The following SYK variants were observed in gnomAD, a reference collection of about 807,000 sequenced individuals.
The protein encoded by SYK is spleen associated tyrosine kinase, also known as tyrosine-protein kinase SYK.
SYK carries 16 observed loss-of-function variants against 77.8 expected under a neutral mutation model. That is an observed-to-expected ratio of 0.21 (90% CI 0.14 to 0.31). The LOEUF (loss-of-function observed/expected upper bound fraction) is 0.31, where lower values mean the gene tolerates loss of function less well. Among genes scored for constraint, SYK ranks in the 10% least tolerant of loss-of-function variants. The pLI, the probability that SYK is intolerant of heterozygous loss-of-function variation, is 1.00. For synonymous variants in SYK, 312 were observed against 308.7 expected (o/e 1.01, Z -0.11); for missense variants, 529 against 814.4 (o/e 0.65, Z 4.26).
rs1826830440 is a variant in SYK at position 90,851,697 on chromosome 9, G to A, written c.578+6103G>A. Among the ~76,000 whole-genome samples the A allele has an allele frequency of 1.3e-5, 2 of 152,132 alleles. 1 individual carries two copies. The highest frequency in any genetic ancestry group is 4.8e-5 in the African/African-American group (2 of 41,422). On this transcript the variant is annotated intron_variant, in intron 3 of 13. Transcript: ENST00000375754. The stretch of plus-strand genomic sequence containing the variant: ...CTGCCCCCAGAGGCCTTGTATAGCA[G>A]CACAGTTTGCTATTTTGAGAAGCTA...
rs991763186 is a variant in SYK, at chr9:90,884,367, A to G, written c.1582-3382A>G. Among the ~76,000 whole-genome samples the G allele has an allele frequency of 1.3e-5, 2 of 149,422 alleles. 1 individual carries two copies. The highest frequency in any genetic ancestry group is 3.0e-5 in the Non-Finnish European group (2 of 66,872). On this transcript the variant is annotated intron_variant, in intron 11 of 13. Coordinates refer to ENST00000375754, the MANE Select transcript of SYK (RefSeq NM_003177.7). ...CACATACACATACGTGTATACATAC[A>G]TACACACATACGTGTATATATGCAT...
At chr9:90,877,213 G>A (rs571614289) in intron 9 of SYK, among the ~76,000 whole-genome samples, 6 of 152,130 alleles carry the variant, frequency 3.9e-5, no homozygotes, top group African/African-American at 1.4e-4. Context: ...TCACACCTGG[G>A]TGATTTTTTT....
intron 1 of SYK, among the ~76,000 whole-genome samples, chr9:90,835,577 G>C (rs1362584834): frequency 6.6e-6 from 1 of 152,342 alleles, no homozygotes; most frequent in Non-Finnish European, 1.5e-5. Flanking sequence ...TGCACAGTTG[G>C]AAGACGGGAA....
At chr9:90,843,015 T>C (rs1002071146) in intron 1 of SYK, among the ~76,000 whole-genome samples, 2 of 152,146 alleles carry the variant, frequency 1.3e-5, no homozygotes, top group African/African-American at 4.8e-5. Context: ...TGAAATGTAT[T>C]TATTTACTGC....
rs201237846 is a variant in SYK at position 90,845,622 on chromosome 9, C to T, written c.578+28C>T. The T allele has an allele frequency of 1.6e-4, 253 of 1,609,290 alleles. 2 individuals carry two copies. In the South Asian group the frequency reaches 2.5e-3, roughly 16 times the overall value. ...GAGTATCGTGCCTTCCCCCTCACCT[C>T]CTGCCACCAGGCCTGTGTGGACAAT... is the stretch of plus-strand genomic sequence containing the variant. On this transcript the variant is annotated intron_variant, in intron 3 of 13. Transcript: ENST00000375754.
At chr9:90,851,384 T>A (rs954751062) in intron 3 of SYK, among the ~76,000 whole-genome samples, 1 of 152,226 alleles carries the variant, frequency 6.6e-6, no homozygotes, top group African/African-American at 2.4e-5. Flanking sequence ...CCTTTGCACA[T>A]GTGCTTGAAG....
At chr9:90,880,062 G>A (rs1345853428) in intron 11 of SYK, among the ~76,000 whole-genome samples, 2 of 152,230 alleles carry the variant, frequency 1.3e-5, no homozygotes, top group African/African-American at 2.4e-5. Flanking sequence ...CTAGTCTCTG[G>A]TGAAGTCCAC....
chr9:90,827,226 A>G (rs537801557), intron 1 of SYK, among the ~76,000 whole-genome samples: 1 of 152,272 alleles, frequency 6.6e-6, no homozygotes, highest in East Asian at 1.9e-4. Context: ...AGCCCTGTCC[A>G]CTGACTCCCT....
intron 3 of SYK, among the ~76,000 whole-genome samples, chr9:90,850,734 G>C (rs565002575): frequency 1.3e-5 from 2 of 149,948 alleles, no homozygotes; most frequent in Non-Finnish European, 2.9e-5. Flanking sequence ...ATCGCTTTAC[G>C]TGGAAAGTGG....
rs1405522740 is a variant in SYK at position 90,896,626 on chromosome 9, C to A, written c.*1026C>A. The A allele has an allele frequency of 8.6e-6, 2 of 232,634 alleles. No individual in the cohort carries two copies. Among genetic ancestry groups the A allele is most frequent in the Non-Finnish European group, 1.7e-5 (2 of 117,778 alleles). 14.4% of individuals were successfully genotyped at this position (232,634 alleles called of 1,614,324 possible). On this transcript the variant is annotated 3_prime_UTR_variant, in exon 14 of 14. Coordinates refer to ENST00000375754, the MANE Select transcript of SYK (RefSeq NM_003177.7). ...GACCCTGAGCCTCACCACAAACAGGCCTTTTGGAGTGTGAATTTGAGTTGA... is the reference window on the plus strand; with the variant it reads ...GACCCTGAGCCTCACCACAAACAGGACTTTTGGAGTGTGAATTTGAGTTGA...
In SYK at chr9:90,896,966, G is replaced by A. The variant is rs158685; in HGVS notation, c.*1366G>A. 0.29 allele frequency: 57,798 copies of A among 199,676 alleles called. 8,743 individuals are homozygous for A. Among genetic ancestry groups the A allele is most frequent in the Admixed American group, 0.37 (6,096 of 16,528 alleles). The allele number at this position is 199,676 out of a possible 1,614,324, so 12.4% of individuals were successfully genotyped here. A position where few individuals can be genotyped will look rare whatever the true frequency, so the allele number is the denominator to read the frequency against. ...CGCTTGAACCCAGGAAACGGAGGTCGCAGTGAGCCAAGATCATGCCACTGC... is the reference window on the plus strand; with the variant it reads ...CGCTTGAACCCAGGAAACGGAGGTCACAGTGAGCCAAGATCATGCCACTGC... On this transcript the variant is annotated 3_prime_UTR_variant, in exon 14 of 14. Transcript: ENST00000375754.
chr9:90,889,438 G>A (rs556433343), intron 13 of SYK, among the ~76,000 whole-genome samples: 90 of 152,310 alleles, frequency 5.9e-4, no homozygotes, highest in South Asian at 1.0e-3. Context: ...GATGCTTTGC[G>A]GAATCAGGTT....
chr9:90,815,813 G>C (rs1825270509), intron 1 of SYK, among the ~76,000 whole-genome samples: 1 of 152,210 alleles, frequency 6.6e-6, no homozygotes, highest in African/African-American at 2.4e-5. Context: ...AGCCTGCGCT[G>C]CTGCTCACTT....
intron 3 of SYK, among the ~76,000 whole-genome samples, chr9:90,858,443 T>C (rs993895444): frequency 6.6e-6 from 1 of 152,202 alleles, no homozygotes; most frequent in Non-Finnish European, 1.5e-5. Flanking sequence ...ATTTTGTAAA[T>C]ATTCAAAGGC....
intron 3 of SYK, among the ~76,000 whole-genome samples, chr9:90,854,717 C>G (rs138723562): frequency 2.0e-5 from 3 of 152,088 alleles, no homozygotes; most frequent in Non-Finnish European, 4.4e-5. Flanking sequence ...GGTAGTCACC[C>G]CTTCCCAACC....
intron 3 of SYK, among the ~76,000 whole-genome samples, chr9:90,847,132 A>T (rs1826629996): frequency 6.6e-6 from 1 of 152,090 alleles, no homozygotes; most frequent in Non-Finnish European, 1.5e-5. Flanking sequence ...ATGTATATAA[A>T]CCCCATGCAG....
At chr9:90,815,260 G>A (rs1287948907) in intron 1 of SYK, among the ~76,000 whole-genome samples, 5 of 152,214 alleles carry the variant, frequency 3.3e-5, no homozygotes, top group Non-Finnish European at 4.4e-5. Context: ...GAAATAAGGC[G>A]TTTGTTTCTG....
At chr9:90,808,169 G>A (rs1022090971) in intron 1 of SYK, among the ~76,000 whole-genome samples, 4 of 152,068 alleles carry the variant, frequency 2.6e-5, no homozygotes, top group Non-Finnish European at 5.9e-5. Context: ...AAACCATCAG[G>A]TTAATCTTTA....
intron 1 of SYK, among the ~76,000 whole-genome samples, chr9:90,817,882 T>TGAGAGAGAGA (rs1171979799): frequency 2.1e-4 from 14 of 66,916 alleles, no homozygotes; most frequent in African/African-American, 7.5e-4. Context: ...TGTGTGTGTG[T>TGAGAGAGAGA]GAGAGAGAGA....
Sources: gnomAD v4.1 joint callset for allele counts (sites outside exome capture counted in the v4.1 genomes callset) on GRCh38, gnomAD v4.1.1 for gene constraint, MANE v1.5 for transcripts, NCBI Gene and HGNC (gene_info 2026-07-23, HGNC 2026-07-21) for gene names.